The following RPGRIP1 variants were observed in gnomAD, a reference collection of about 807,000 sequenced individuals.
RPGRIP1 encodes X-linked retinitis pigmentosa GTPase regulator-interacting protein 1.
RPGRIP1 carries 128 observed loss-of-function variants against 157.9 expected under a neutral mutation model. The ratio of observed to expected loss-of-function variants is 0.81; its 90% CI spans 0.70 to 0.94. The LOEUF is 0.94. RPGRIP1 is among the 40% of genes least tolerant of loss of function. The pLI is 0.00. For missense variants in RPGRIP1, 1,486 were observed against 1,545.8 expected (o/e 0.96, Z 0.65); for synonymous variants, 554 against 571.6 (o/e 0.97, Z 0.44).
intron 24 of RPGRIP1, among the ~76,000 whole-genome samples, chr14:21,350,755 A>G (rs1438912336): frequency 1.3e-5 from 2 of 152,004 alleles, no homozygotes; most frequent in South Asian, 2.1e-4. Flanking sequence ...CTATTTTCCA[A>G]CTCACTCCTA....
intron 1 of RPGRIP1, among the ~76,000 whole-genome samples, chr14:21,282,776 ATTT>A (rs1411443624): frequency 6.6e-6 from 1 of 151,562 alleles, no homozygotes. Flanking sequence ...CACCCGGCTA[ATTT>A]TTTGTATTTT....
chr14:21,339,049 T>C (rs1884704238), intron 21 of RPGRIP1, among the ~76,000 whole-genome samples: 1 of 151,998 alleles, frequency 6.6e-6, no homozygotes, highest in African/African-American at 2.4e-5. Context: ...GGCAGGAGAA[T>C]CGCTTGAGCC....
At chr14:21,331,932 T>C (rs535276220) in intron 20 of RPGRIP1, among the ~76,000 whole-genome samples, 1 of 146,642 alleles carries the variant, frequency 6.8e-6, no homozygotes, top group East Asian at 2.0e-4. Context: ...TTTATATATA[T>C]ATAATTTTTT....
At chr14:21,342,991 A>G in intron 21 of RPGRIP1, 45 bp from the exon 22 acceptor site, 1 of 1,452,404 alleles carries the variant, frequency 6.9e-7, no homozygotes, top group Non-Finnish European at 9.6e-7. Flanking sequence ...AAGCACTTGG[A>G]GCCTCACTAA....
At chr14:21,312,050 G>A (rs1881560394) in intron 9 of RPGRIP1, 80 bp downstream of exon 9, 1 of 1,306,302 alleles carries the variant, frequency 7.7e-7, no homozygotes, top group Admixed American at 2.2e-5. Context: ...AACAATATGA[G>A]TATTGCATTT....
intron 1 of RPGRIP1, among the ~76,000 whole-genome samples, chr14:21,281,860 C>G (rs1880143453): frequency 6.6e-6 from 1 of 151,312 alleles, no homozygotes. Context: ...GTTGGGAGAC[C>G]GAGGCTGGCG....
chr14:21,307,896 ATAT>A, intron 7 of RPGRIP1, 60 bp downstream of exon 7: 2 of 902,588 alleles, frequency 2.2e-6, no homozygotes, highest in South Asian at 1.7e-5. Flanking sequence ...TAAGAGATTC[ATAT>A]TATTTTCTCC....
At chr14:21,344,709 G>A (rs992279710) in intron 22 of RPGRIP1, among the ~76,000 whole-genome samples, 5 of 152,212 alleles carry the variant, frequency 3.3e-5, no homozygotes, top group African/African-American at 1.2e-4. Flanking sequence ...ACTTTGGGAA[G>A]CCAAGGCGGG....
chr14:21,343,916 G>A (rs1167028701), intron 22 of RPGRIP1, among the ~76,000 whole-genome samples: 1 of 64,522 alleles, frequency 1.5e-5, no homozygotes, highest in Non-Finnish European at 2.8e-5. Flanking sequence ...TTGAGATGGA[G>A]TCTGAACATG....
At chr14:21,349,486 T>C (rs1322137997) in intron 24 of RPGRIP1, among the ~76,000 whole-genome samples, 3 of 149,892 alleles carry the variant, frequency 2.0e-5, no homozygotes, top group Admixed American at 6.7e-5. Context: ...CCACAACCTC[T>C]GCCTCTTTCT....
chr14:21,295,444 C>G (rs1026887898), intron 3 of RPGRIP1, among the ~76,000 whole-genome samples: 1 of 145,874 alleles, frequency 6.9e-6, no homozygotes, highest in Non-Finnish European at 1.5e-5. Context: ...GCTATCTATA[C>G]ATTTATTTAT....
intron 21 of RPGRIP1, among the ~76,000 whole-genome samples, chr14:21,340,833 C>T (rs901419355): frequency 1.3e-5 from 2 of 152,162 alleles, no homozygotes; most frequent in African/African-American, 4.8e-5. Flanking sequence ...CATGCATTCT[C>T]CTATTCCACT....
intron 22 of RPGRIP1, among the ~76,000 whole-genome samples, chr14:21,343,885 TTTTTTTTTTTTTTTTTTTTTTTG>T (rs1885293067): frequency 2.7e-5 from 2 of 74,418 alleles, no homozygotes; most frequent in African/African-American, 9.1e-5. Context: ...TTTTTTTTTT[TTTTTTTTTTTTTTTTTTTTTTTG>T]AGATGGAGTC....
chr14:21,307,869 T>TG (rs757741922), intron 7 of RPGRIP1, 33 bp downstream of exon 7: 18 of 1,240,518 alleles, frequency 1.5e-5, no homozygotes, highest in African/African-American at 3.1e-5. Flanking sequence ...GCTTTCTTGG[T>TG]GGGGGGAAAC....
Position 21,334,553 on chromosome 14 carries a change from T to G in RPGRIP1, c.3239-52T>G, listed in dbSNP as rs1419813430. The G allele has an allele frequency of 2.4e-5, 31 of 1,273,532 alleles. 1 individual carries two copies. The South Asian group carries it at 3.7e-4, about 15-fold the overall frequency. 78.9% of individuals were successfully genotyped at this position (1,273,532 alleles called of 1,614,324 possible). Reference sequence around the variant, plus strand: ...GAGATGTGTGTGCTGGGTCTTTTCTTGGGCTAAAGTGCTTTGAAACAGTTC... The same window carrying G: ...GAGATGTGTGTGCTGGGTCTTTTCTGGGGCTAAAGTGCTTTGAAACAGTTC... On this transcript the variant is annotated intron_variant, in intron 20 of 24. Transcript: ENST00000400017.
intron 2 of RPGRIP1, among the ~76,000 whole-genome samples, chr14:21,290,829 A>G (rs1310221770): frequency 6.6e-6 from 1 of 151,066 alleles, no homozygotes; most frequent in East Asian, 1.9e-4. Flanking sequence ...AAAAAAAAAA[A>G]AAAGGAAAGA....
chr14:21,287,378 C>G (rs1489392101), intron 1 of RPGRIP1, among the ~76,000 whole-genome samples: 2 of 152,238 alleles, frequency 1.3e-5, no homozygotes, highest in East Asian at 3.8e-4. Flanking sequence ...GGCCACAGAG[C>G]TGAATATGGT....
chr14:21,315,485 C>T (rs537133968), intron 10 of RPGRIP1, among the ~76,000 whole-genome samples: 9 of 145,096 alleles, frequency 6.2e-5, no homozygotes, highest in Non-Finnish European at 8.9e-5. Context: ...CCAGCCTGGG[C>T]GACAGAGCCA....
At chr14:21,294,621 G>C (rs890848748) in intron 2 of RPGRIP1, 56 bp from the exon 3 acceptor site, 1 of 1,566,458 alleles carries the variant, frequency 6.4e-7, no homozygotes, top group Non-Finnish European at 8.8e-7. Flanking sequence ...GACATCTAAA[G>C]GGTTCAAAAA....
Sources: allele counts gnomAD v4.1 joint callset (sites outside exome capture counted in the v4.1 genomes callset), GRCh38; gene constraint gnomAD v4.1.1; transcripts MANE v1.5; gene names NCBI Gene and HGNC (gene_info 2026-07-23, HGNC 2026-07-21).